OCRL: variants seen among roughly 807,000 people sequenced by gnomAD.
OCRL encodes the protein OCRL inositol polyphosphate-5-phosphatase.
OCRL carries 8 observed loss-of-function variants against 78.9 expected under a neutral mutation model. The observed-to-expected ratio is 0.10, with a 90% CI of 0.06 to 0.18. The LOEUF is 0.18. Among genes scored for constraint, OCRL ranks in the 10% least tolerant of loss-of-function variants. The pLI is 1.00. For missense variants in OCRL, 454 were observed against 696.7 expected (o/e 0.65, Z 3.92); for synonymous variants, 240 against 235.4 (o/e 1.02, Z -0.18).
rs189554643 is a variant in OCRL at position 129,569,410 on chromosome X, G to A, written c.1602+11G>A. ...CTCTTCCATATTGGGGTAAACACTTGTTTGTACATTCATTTATTTGTGTGT... is the reference window on the plus strand; with the variant it reads ...CTCTTCCATATTGGGGTAAACACTTATTTGTACATTCATTTATTTGTGTGT... On this transcript the variant is annotated intron_variant, in intron 15 of 23. Coordinates refer to ENST00000371113, the MANE Select transcript of OCRL (RefSeq NM_000276.4). The A allele has an allele frequency of 6.3e-4, 763 of 1,202,610 alleles. 3 individuals carry two copies. The highest frequency in any genetic ancestry group is 1.4e-4 in the Non-Finnish European group (127 of 888,569).
At chrX:129,565,996 A>C in intron 13 of OCRL, 113 bp downstream of exon 13, 2 of 538,437 alleles carry the variant, frequency 3.7e-6, no homozygotes, top group Non-Finnish European at 6.4e-6. Context: ...CTGTCTTGTG[A>C]AAACAGTGTG....
chrX:129,561,826 G>T (rs1329461375), intron 10 of OCRL, among the ~76,000 whole-genome samples: 6 of 111,802 alleles, frequency 5.4e-5, no homozygotes, highest in Non-Finnish European at 9.4e-5. Flanking sequence ...TCATACTAAG[G>T]TCTCTAAAAG....
chrX:129,581,171 T>C (rs142381628), intron 18 of OCRL, among the ~76,000 whole-genome samples: 1,558 of 112,799 alleles, frequency 0.014, 18 homozygotes, highest in Non-Finnish European at 0.024. Flanking sequence ...GGCTATGCTT[T>C]TTATTTTTAA....
At chrX:129,547,314 A>G (rs1446139326) in intron 3 of OCRL, among the ~76,000 whole-genome samples, 1 of 110,265 alleles carries the variant, frequency 9.1e-6, no homozygotes, top group Non-Finnish European at 1.9e-5. Context: ...TCACAAGGTC[A>G]GGAGATTGAG....
At chrX:129,550,243 C>T (rs1935941108) in intron 4 of OCRL, among the ~76,000 whole-genome samples, 1 of 112,264 alleles carries the variant, frequency 8.9e-6, no homozygotes, top group Admixed American at 9.4e-5. Context: ...TAGAGATCAC[C>T]ACTGTGGTTA....
At chrX:129,581,753 A>G (rs866193716) in intron 18 of OCRL, among the ~76,000 whole-genome samples, 5 of 91,546 alleles carry the variant, frequency 5.5e-5, no homozygotes, top group South Asian at 1.2e-3. Flanking sequence ...GTGTGTGTGT[A>G]TAAAATTTTC....
At chrX:129,589,213 C>G (rs754015451) in intron 22 of OCRL, 200 bp downstream of exon 22, 2 of 462,352 alleles carry the variant, frequency 4.3e-6, no homozygotes, top group African/African-American at 4.8e-5. Flanking sequence ...CACCTTTTTC[C>G]CATTGGCCTA....
At chrX:129,588,473 G>T (rs746294855) in intron 21 of OCRL, among the ~76,000 whole-genome samples, 11 of 111,776 alleles carry the variant, frequency 9.8e-5, no homozygotes, top group Non-Finnish European at 1.5e-4. Flanking sequence ...GGAAGCAAGG[G>T]GTAGATAACA....
At chrX:129,560,211 G>A (rs184483987) in intron 8 of OCRL, among the ~76,000 whole-genome samples, 193 of 112,276 alleles carry the variant, frequency 1.7e-3, no homozygotes, top group Admixed American at 2.9e-3. Context: ...CTTACAGCAT[G>A]AAGATACCTC....
At chrX:129,544,737 T>C (rs1660012530) in intron 2 of OCRL, among the ~76,000 whole-genome samples, 1 of 111,484 alleles carries the variant, frequency 9.0e-6, no homozygotes, top group South Asian at 3.8e-4. Context: ...GTTTTTAGGA[T>C]ATATGGCCTA....
At chrX:129,544,432 C>T (rs2124387381) in intron 2 of OCRL, among the ~76,000 whole-genome samples, 1 of 111,597 alleles carries the variant, frequency 9.0e-6, no homozygotes, top group South Asian at 3.8e-4. Context: ...TGAGCACCCC[C>T]TCTTACTCCT....
At chrX:129,574,726 ATAACT>A (rs1416207689) in intron 15 of OCRL, among the ~76,000 whole-genome samples, 13 of 112,554 alleles carry the variant, frequency 1.2e-4, no homozygotes, top group Admixed American at 1.0e-3. Context: ...CCACTACCAA[ATAACT>A]TAACAATGAA....
chrX:129,558,349 G>C (rs1256162357), intron 6 of OCRL, among the ~76,000 whole-genome samples: 1 of 112,082 alleles, frequency 8.9e-6, no homozygotes, highest in African/African-American at 3.2e-5. Context: ...TCATGATATA[G>C]TCCCTTACTC....
chrX:129,569,749 ACAG>A (rs1936271960), intron 15 of OCRL, among the ~76,000 whole-genome samples: 1 of 110,982 alleles, frequency 9.0e-6, no homozygotes, highest in Admixed American at 9.6e-5. Context: ...AAGGGTAGAG[ACAG>A]CAGGAGCAAA....
At chrX:129,547,031 C>A (rs1676043890) in intron 3 of OCRL, among the ~76,000 whole-genome samples, 1 of 110,440 alleles carries the variant, frequency 9.1e-6, no homozygotes, top group Non-Finnish European at 1.9e-5. Context: ...CCAGCCTGGG[C>A]AACATTGCGA....
chrX:129,540,871 T>A, intron 2 of OCRL, 48 bp downstream of exon 2: 1 of 1,062,703 alleles, frequency 9.4e-7, no homozygotes, highest in Non-Finnish European at 1.3e-6. Flanking sequence ...TGCCATTACC[T>A]CCCAACCCCA....
chrX:129,544,255 T>C (rs1156642282), intron 2 of OCRL, among the ~76,000 whole-genome samples: 1 of 111,491 alleles, frequency 9.0e-6, no homozygotes, highest in African/African-American at 3.3e-5. Context: ...GGAGTACGTA[T>C]GGATTTAGAA....
intron 3 of OCRL, among the ~76,000 whole-genome samples, 197 bp from the exon 4 acceptor site, chrX:129,548,366 G>C (rs947262276): frequency 2.7e-5 from 3 of 111,780 alleles, no homozygotes; most frequent in Admixed American, 9.5e-5. Context: ...TAGTTGATTT[G>C]CTCATAGTCT....
At chrX:129,540,657 G>A (rs1935781165) in intron 1 of OCRL, 87 bp from the exon 2 acceptor site, 2 of 789,274 alleles carry the variant, frequency 2.5e-6, no homozygotes, top group African/African-American at 2.1e-5. Flanking sequence ...GCGGCGGTGG[G>A]GGGGGGGTGG....
Sources: gnomAD v4.1 joint callset for allele counts (sites outside exome capture counted in the v4.1 genomes callset) on GRCh38, gnomAD v4.1.1 for gene constraint, MANE v1.5 for transcripts, NCBI Gene and HGNC (gene_info 2026-07-23, HGNC 2026-07-21) for gene names.